Variants in GALNTL6 observed in about 807,000 individuals in gnomAD.
GALNTL6 encodes polypeptide N-acetylgalactosaminyltransferase like 6.
Under a neutral mutation model 73.7 loss-of-function variants are expected in GALNTL6, and 46 were observed. The observed-to-expected ratio is 0.62, with a 90% CI of 0.49 to 0.80. GALNTL6 has a LOEUF of 0.80. GALNTL6 is among the 30% of genes least tolerant of loss of function. The pLI, the probability that GALNTL6 is intolerant of heterozygous loss-of-function variation, is 0.00. For missense variants in GALNTL6, 604 were observed against 755.0 expected, an observed-to-expected ratio of 0.80 and a Z score of 2.34; for synonymous variants, 259 against 263.7, an observed-to-expected ratio of 0.98 and a Z score of 0.17.
At chr4:172,870,314 C>T (rs1027101403) in intron 7 of GALNTL6, among the ~76,000 whole-genome samples, 4 of 152,158 alleles carry the variant, frequency 2.6e-5, no homozygotes, top group African/African-American at 9.7e-5. Context: ...TAATGCTCCT[C>T]CCTCAGTCTC....
chr4:171,984,678 T>A (rs1740012228), intron 2 of GALNTL6, among the ~76,000 whole-genome samples: 1 of 151,982 alleles, frequency 6.6e-6, no homozygotes, highest in Non-Finnish European at 1.5e-5. Flanking sequence ...TCTAAAGAGC[T>A]AAGTAGGAAG....
intron 5 of GALNTL6, among the ~76,000 whole-genome samples, chr4:172,409,630 G>T (rs1175404721): frequency 6.6e-6 from 1 of 151,940 alleles, no homozygotes; most frequent in African/African-American, 2.4e-5. Flanking sequence ...TTTCAATGAG[G>T]AAAGGTTACT....
intron 2 of GALNTL6, among the ~76,000 whole-genome samples, chr4:171,877,593 G>A (rs961768604): frequency 3.3e-5 from 5 of 151,306 alleles, no homozygotes; most frequent in African/African-American, 9.7e-5. Context: ...CTTTCATACA[G>A]TAGGAGCACT....
At chr4:172,758,352 T>A (rs934849847) in intron 5 of GALNTL6, among the ~76,000 whole-genome samples, 11 of 152,120 alleles carry the variant, frequency 7.2e-5, no homozygotes, top group Admixed American at 3.9e-4. Flanking sequence ...CTGGCCAACA[T>A]GGCAAAACCC....
chr4:172,543,890 T>G (rs944809818), intron 5 of GALNTL6, among the ~76,000 whole-genome samples: 2 of 152,222 alleles, frequency 1.3e-5, no homozygotes, highest in Admixed American at 1.3e-4. Flanking sequence ...TGGAGTGTTA[T>G]TCAGGTATCA....
chr4:171,970,511 T>C (rs1739535962), intron 2 of GALNTL6, among the ~76,000 whole-genome samples: 1 of 152,296 alleles, frequency 6.6e-6, no homozygotes, highest in Non-Finnish European at 1.5e-5. Context: ...TTTGATAAAT[T>C]TCATATCAGT....
At chr4:172,228,010 A>G (rs1258755448) in intron 2 of GALNTL6, among the ~76,000 whole-genome samples, 2 of 152,166 alleles carry the variant, frequency 1.3e-5, no homozygotes, top group Non-Finnish European at 1.5e-5. Flanking sequence ...AGTGTTCAGT[A>G]CTTATCACTG....
chr4:172,647,218 T>C (rs925802828), intron 5 of GALNTL6, among the ~76,000 whole-genome samples: 1 of 152,056 alleles, frequency 6.6e-6, no homozygotes, highest in Non-Finnish European at 1.5e-5. Flanking sequence ...CCAGGTAGAC[T>C]TTAGGAGAAT....
intron 2 of GALNTL6, among the ~76,000 whole-genome samples, chr4:171,898,910 A>G (rs866020501): frequency 2.0e-5 from 3 of 152,030 alleles, no homozygotes; most frequent in Admixed American, 6.5e-5. Context: ...GCATGAGCAT[A>G]GTCTTGGTAT....
intron 3 of GALNTL6, among the ~76,000 whole-genome samples, chr4:172,259,485 G>A (rs1434838072): frequency 1.3e-5 from 2 of 150,150 alleles, no homozygotes; most frequent in Non-Finnish European, 3.0e-5. Context: ...ATTTGTTGGA[G>A]TGTTTTGTAG....
chr4:172,420,588 C>T (rs1175064751), intron 5 of GALNTL6, among the ~76,000 whole-genome samples: 3 of 152,126 alleles, frequency 2.0e-5, no homozygotes, highest in African/African-American at 7.2e-5. Context: ...ATGATGGTAG[C>T]TCTGAATGTC....
chr4:172,015,111 C>G (rs1741145011), intron 2 of GALNTL6, among the ~76,000 whole-genome samples: 1 of 151,662 alleles, frequency 6.6e-6, no homozygotes, highest in African/African-American at 2.4e-5. Context: ...TTTTTGTTGA[C>G]TTTCTGTTTT....
chr4:172,594,712 C>T (rs1737787016), intron 5 of GALNTL6, among the ~76,000 whole-genome samples: 1 of 152,142 alleles, frequency 6.6e-6, no homozygotes, highest in South Asian at 2.1e-4. Flanking sequence ...AGGATCTCAA[C>T]ACATACTTAT....
chr4:171,850,838 G>A (rs182835489), intron 2 of GALNTL6, among the ~76,000 whole-genome samples: 1 of 152,208 alleles, frequency 6.6e-6, no homozygotes, highest in Admixed American at 6.5e-5. Flanking sequence ...GTCTGCTGGG[G>A]AACCTAGGAT....
chr4:172,360,811 A>G (rs1742337609), intron 5 of GALNTL6, among the ~76,000 whole-genome samples: 1 of 152,174 alleles, frequency 6.6e-6, no homozygotes, highest in East Asian at 1.9e-4. Flanking sequence ...GAGAATAGAA[A>G]TGGCTACTTT....
chr4:172,783,753 A>C (rs1421540759), intron 5 of GALNTL6, among the ~76,000 whole-genome samples: 1 of 152,046 alleles, frequency 6.6e-6, no homozygotes, highest in Admixed American at 6.6e-5. Context: ...TTTGTTTAGC[A>C]GTGATAAGCC....
chr4:172,514,842 T>G (rs1734547704), intron 5 of GALNTL6, among the ~76,000 whole-genome samples: 1 of 152,182 alleles, frequency 6.6e-6, no homozygotes. Context: ...CAGCTCTAGG[T>G]AAGGTTAAAT....
At chr4:173,029,739 C>T (rs1018919873) in intron 12 of GALNTL6, among the ~76,000 whole-genome samples, 2 of 152,174 alleles carry the variant, frequency 1.3e-5, no homozygotes, top group Non-Finnish European at 2.9e-5. Flanking sequence ...TATATCTGTA[C>T]AGGTCATCTT....
rs182893873 is a variant in GALNTL6, at chr4:171,965,427, C to T, written c.138+150709C>T. Among the ~76,000 whole-genome samples, 282 of 152,032 alleles carry T rather than the reference C, an allele frequency of 1.9e-3. 3 individuals are homozygous for T. The highest frequency in any genetic ancestry group is 0.013 in the Admixed American group (195 of 15,264). ...ATCCCAGCACTTTGGGAAACCGAGG[C>T]GGGCGGATCACAAGGTCAGGAGATC... On this transcript the variant is annotated intron_variant, in intron 2 of 12. Transcript: ENST00000506823.
Sources: allele counts gnomAD v4.1 joint callset (sites outside exome capture counted in the v4.1 genomes callset), GRCh38; gene constraint gnomAD v4.1.1; transcripts MANE v1.5; gene names NCBI Gene and HGNC (gene_info 2026-07-23, HGNC 2026-07-21).